RAB40B: variants seen among roughly 807,000 people sequenced by gnomAD.
The protein encoded by RAB40B is RAB40B, member RAS oncogene family.
Under a neutral mutation model 24.0 loss-of-function variants are expected in RAB40B, and 21 were observed. The ratio of observed to expected loss-of-function variants is 0.88; its 90% CI spans 0.62 to 1.26. The LOEUF (loss-of-function observed/expected upper bound fraction) is 1.26. Among genes scored for constraint, RAB40B ranks in the 50% most tolerant of loss-of-function variants. The pLI is 0.00. For missense variants in RAB40B, 348 were observed against 390.5 expected (o/e 0.89, Z 0.92); for synonymous variants, 167 against 169.8 (o/e 0.98, Z 0.13).
At chr17:82,684,058 TAAAAATAC>T (rs2046472011) in intron 1 of RAB40B, among the ~76,000 whole-genome samples, 1 of 151,526 alleles carries the variant, frequency 6.6e-6, no homozygotes, top group Admixed American at 6.6e-5. Context: ...CTGTCTCTAC[TAAAAATAC>T]AAAAATTAGC....
rs2046349898 is a variant in RAB40B, at chr17:82,672,331, C to T, written c.143-7775G>A. 1.4e-5 allele frequency among the ~76,000 whole-genome samples: 2 copies of T among 139,844 alleles called. 1 individual carries two copies. Among genetic ancestry groups the T allele is most frequent in the African/African-American group, 5.1e-5 (2 of 38,880 alleles). The allele number at this position is 139,844 out of a possible 152,430, so 91.7% of individuals were successfully genotyped here. A position where few individuals can be genotyped will look rare whatever the true frequency, so the allele number is the denominator to read the frequency against. ...GTACTGACACACCCCACCCCTGTAACTCTAACACACACACTCACACGCTCC... is the reference window on the plus strand; with the variant it reads ...GTACTGACACACCCCACCCCTGTAATTCTAACACACACACTCACACGCTCC... On this transcript the variant is annotated intron_variant, in intron 1 of 5. Transcript: ENST00000571995.
At chr17:82,677,198 C>T (rs941771116) in intron 1 of RAB40B, among the ~76,000 whole-genome samples, 8 of 152,276 alleles carry the variant, frequency 5.3e-5, no homozygotes, top group East Asian at 1.9e-4. Flanking sequence ...CCACCTGCCT[C>T]GGCCTCCCAA....
chr17:82,660,966 G>A, intron 3 of RAB40B, 21 bp downstream of exon 3: 1 of 1,612,210 alleles, frequency 6.2e-7, no homozygotes, highest in Non-Finnish European at 8.5e-7. Context: ...TGATCTCCCA[G>A]CTCGGGGGAT....
At chr17:82,671,373 C>A (rs1323450083) in intron 1 of RAB40B, among the ~76,000 whole-genome samples, 9 of 144,890 alleles carry the variant, frequency 6.2e-5, no homozygotes, top group Admixed American at 2.8e-4. Context: ...AACACACACA[C>A]TCTCACACAC....
At chr17:82,688,287 G>C (rs544033515) in intron 1 of RAB40B, among the ~76,000 whole-genome samples, 1 of 151,622 alleles carries the variant, frequency 6.6e-6, no homozygotes, top group African/African-American at 2.4e-5. Flanking sequence ...TTACAGGTGT[G>C]AGCCACCATG....
rs1262852064 is a variant in RAB40B, at chr17:82,697,412, C to A, written c.142+1043G>T. Among the ~76,000 whole-genome samples, 1 of 152,192 alleles carries A rather than the reference C, an allele frequency of 6.6e-6. No individual in the cohort carries two copies. The highest frequency in any genetic ancestry group is 1.9e-4 in the East Asian group (1 of 5,190). On this transcript the variant is annotated intron_variant, in intron 1 of 5. Transcript: ENST00000571995. This position sits in a 1 kb window ranked among gnomAD's most constrained non-coding sequence, Gnocchi z 4.9. ...TGGACCTGGGGCTTCCCAGACCCTT[C>A]CCAGGCCCCAGAGCTGACAGGTCCT... is the stretch of plus-strand genomic sequence containing the variant.
Position 82,657,933 on chromosome 17 carries a change from T to TA in RAB40B, c.766_767insT (p.Lys256IlefsTer108). 1.2e-6 allele frequency: 2 copies of TA among 1,614,000 alleles called. No individual in the cohort carries two copies. Among genetic ancestry groups the TA allele is most frequent in the Non-Finnish European group, 1.7e-6 (2 of 1,179,978 alleles). On this transcript the variant is annotated frameshift_variant, in exon 6 of 6. Coordinates refer to ENST00000571995, the MANE Select transcript of RAB40B (RefSeq NM_006822.3). LOFTEE classifies it low-confidence loss of function (END_TRUNC). ...CTGGGGGGGGCGGACGAGCTTCACTTTGCGGAGGCTGCTCCTTTTGTGGGT... is the reference window on the plus strand; with the variant it reads ...CTGGGGGGGGCGGACGAGCTTCACTTATGCGGAGGCTGCTCCTTTTGTGGGT...
chr17:82,685,540 C>T (rs1451864999), intron 1 of RAB40B, among the ~76,000 whole-genome samples: 3 of 152,188 alleles, frequency 2.0e-5, no homozygotes, highest in Non-Finnish European at 4.4e-5. Flanking sequence ...CCCAGGCACC[C>T]GGCCTGCCTC....
chr17:82,692,224 C>G lies in RAB40B; in HGVS notation c.142+6231G>C, dbSNP rs1451957572. ...GAGGTGACAGGCAGAGCAGTGGGGC[C>G]CGCACGGTCCGTGGGCTGAGGTGAC... On this transcript the variant is annotated intron_variant, in intron 1 of 5. Transcript: ENST00000571995. The surrounding 1 kb of genome is among the most constrained non-coding windows in gnomAD (Gnocchi z 4.0). 6.8e-6 allele frequency among the ~76,000 whole-genome samples: 1 copy of G among 147,200 alleles called. No homozygotes were observed. The highest frequency in any genetic ancestry group is 2.0e-4 in the East Asian group (1 of 4,926).
At chr17:82,668,056 C>T (rs1040706020) in intron 1 of RAB40B, among the ~76,000 whole-genome samples, 4 of 152,156 alleles carry the variant, frequency 2.6e-5, no homozygotes, top group African/African-American at 4.8e-5. Context: ...GGAGGGTGAG[C>T]GAGACGAGGA....
rs1299490840 is a variant in RAB40B at position 82,656,782 on chromosome 17, G to A, written c.*1081C>T. The A allele has an allele frequency of 1.3e-5, 2 of 152,292 alleles. No individual in the cohort carries two copies. Among genetic ancestry groups the A allele is most frequent in the African/African-American group, 4.8e-5 (2 of 41,434 alleles). 9.4% of individuals were successfully genotyped at this position (152,292 alleles called of 1,614,324 possible). ...TAATCCCAGCACTTTGGGAGGCCAA[G>A]GTGGGTGGATCACCTGAGGTTAGGA... is the stretch of plus-strand genomic sequence containing the variant. On this transcript the variant is annotated 3_prime_UTR_variant, in exon 6 of 6. Transcript: ENST00000571995.
chr17:82,681,075 G>C (rs2046445532), intron 1 of RAB40B, among the ~76,000 whole-genome samples: 1 of 146,442 alleles, frequency 6.8e-6, no homozygotes, highest in African/African-American at 2.5e-5. Context: ...AATGATGTTT[G>C]AGAGAAAATT....
intron 1 of RAB40B, among the ~76,000 whole-genome samples, chr17:82,673,703 C>CAT (rs2046363644): frequency 6.6e-6 from 1 of 152,172 alleles, no homozygotes; most frequent in Admixed American, 6.5e-5. Context: ...TCCTGGTGGG[C>CAT]ATGGAGGCGC....
Position 82,698,672 on chromosome 17 carries a change from C to T in RAB40B, c.-76G>A. ...GAGGCGGCGGCCCGGCCCCGAGAGGCGCCGCGCGGGCCCCGAGTCCTTGCT... is the reference window on the plus strand; with the variant it reads ...GAGGCGGCGGCCCGGCCCCGAGAGGTGCCGCGCGGGCCCCGAGTCCTTGCT... On this transcript the variant is annotated 5_prime_UTR_variant, in exon 1 of 6. Transcript: ENST00000571995. The T allele has an allele frequency of 2.7e-6, 3 of 1,108,944 alleles. No homozygotes were observed. The highest frequency in any genetic ancestry group is 3.4e-6 in the Non-Finnish European group (3 of 895,300). 68.7% of individuals were successfully genotyped at this position (1,108,944 alleles called of 1,614,324 possible).
rs1450928073 is a variant in RAB40B at position 82,698,590 on chromosome 17, C to T, written c.7G>A (p.Ala3Thr). The change falls in exon 1 of 6, where the codon GCC becomes ACC. Residue 3 changes from alanine (A) to threonine (T), a missense_variant. By Grantham distance (58) the Ala-to-Thr change is moderately conservative. Coordinates refer to ENST00000571995, the MANE Select transcript of RAB40B (RefSeq NM_006822.3). The stretch of plus-strand genomic sequence containing the variant: ...TAGGCCCGGACCGGGCTGCCCAGGG[C>T]GCTCATCGTGACGGCCCGGCGCCCC... MS[A>T]LGSPVRAYDF... is the part of the protein sequence containing the mutation. 5 of 1,465,142 alleles carry T rather than the reference C, an allele frequency of 3.4e-6. No homozygotes were observed. In the African/African-American group the frequency reaches 5.9e-5, roughly 17 times the overall value. The allele number at this position is 1,465,142 out of a possible 1,614,324, so 90.8% of individuals were successfully genotyped here.
rs147351276 is a variant in RAB40B, at chr17:82,691,505, G to A, written c.142+6950C>T. Among the ~76,000 whole-genome samples the A allele has an allele frequency of 7.7e-3, 1,177 of 152,228 alleles. 14 individuals are homozygous for A. The highest frequency in any genetic ancestry group is 0.027 in the African/African-American group (1,137 of 41,516). ...GTTCGAGACCAGCCTGACCAACATGGTGAAACCCCCATCTCTACTAAAAAT... is the reference window on the plus strand; with the variant it reads ...GTTCGAGACCAGCCTGACCAACATGATGAAACCCCCATCTCTACTAAAAAT... On this transcript the variant is annotated intron_variant, in intron 1 of 5. Coordinates refer to ENST00000571995, the MANE Select transcript of RAB40B (RefSeq NM_006822.3).
chr17:82,671,487 G>A (rs1419302035), intron 1 of RAB40B, among the ~76,000 whole-genome samples: 16 of 48,472 alleles, frequency 3.3e-4, no homozygotes, highest in Non-Finnish European at 6.2e-4. Context: ...ACACTCACAT[G>A]CTCCCTGTAC....
intron 2 of RAB40B, chr17:82,662,088 A>T: frequency 6.1e-6 from 6 of 985,340 alleles, no homozygotes; most frequent in Non-Finnish European, 7.2e-6. Context: ...AACCTCACGG[A>T]TGAGCGGTGG....
In RAB40B at chr17:82,665,229, A is replaced by AC. The variant is rs1431647910; in HGVS notation, c.143-674_143-673insG. Among the ~76,000 whole-genome samples the AC allele has an allele frequency of 6.0e-5, 9 of 149,138 alleles. No individual in the cohort carries two copies. In the East Asian group the frequency reaches 1.8e-3, roughly 30 times the overall value. On this transcript the variant is annotated intron_variant, in intron 1 of 5. Coordinates refer to ENST00000571995, the MANE Select transcript of RAB40B (RefSeq NM_006822.3). ...TTTCAAGTTAAAAACAAACAAACAAAAAAAAAACCCGAGAATGCCTTTCTT... is the reference window on the plus strand; with the variant it reads ...TTTCAAGTTAAAAACAAACAAACAAACAAAAAAACCCGAGAATGCCTTTCTT...
Sources: allele counts gnomAD v4.1 joint callset (sites outside exome capture counted in the v4.1 genomes callset), GRCh38; gene constraint gnomAD v4.1.1; non-coding constraint Gnocchi (gnomAD v3.1); transcripts MANE v1.5; gene names NCBI Gene and HGNC (gene_info 2026-07-23, HGNC 2026-07-21).